Variants in RNPC3 observed in about 807,000 individuals in gnomAD.
RNPC3 encodes the protein RNA-binding region-containing protein 3.
A neutral mutation model predicts 67.5 loss-of-function variants in RNPC3; 48 were observed. The observed-to-expected ratio is 0.71, with a 90% CI of 0.56 to 0.90. The LOEUF is 0.90. Ranked by LOEUF, RNPC3 falls within the 40% of genes least tolerant of loss-of-function variation. The pLI, the probability that RNPC3 is intolerant of heterozygous loss-of-function variation, is 0.00. For synonymous variants in RNPC3, 239 were observed against 210.3 expected (o/e 1.14, Z -1.18); for missense variants, 637 against 626.1 (o/e 1.02, Z -0.19).
chr1:103,526,220 C>T lies in RNPC3; in HGVS notation c.150C>T (p.Phe50=). The change falls in exon 1 of 15, where the codon TTC becomes TTT. Residue 50 remains phenylalanine (F), a synonymous_variant. Transcript: ENST00000423855. ...AEEKEDLLKY[F]GAQSVRVLSD... ...AGAAAGAGGACTTGCTGAAGTACTT[C>T]GGGGCTCAGTCTGTGCGGGTCCTGT... 3.2e-6 allele frequency: 5 copies of T among 1,551,182 alleles called. No homozygotes were observed. Among genetic ancestry groups the T allele is most frequent in the Non-Finnish European group, 4.4e-6 (5 of 1,146,780 alleles).
At chr1:103,530,157 T>C (rs750857312) in intron 2 of RNPC3, among the ~76,000 whole-genome samples, 5 of 150,666 alleles carry the variant, frequency 3.3e-5, no homozygotes, top group Admixed American at 2.0e-4. Flanking sequence ...GTACCTACTA[T>C]GTGCTAGATG....
At chr1:103,544,134 G>A (rs1031163524) in intron 9 of RNPC3, among the ~76,000 whole-genome samples, 5 of 151,610 alleles carry the variant, frequency 3.3e-5, no homozygotes, top group African/African-American at 1.2e-4. Flanking sequence ...GGCAAATACT[G>A]TTAGCAATTT....
chr1:103,544,478 T>C (rs1448766066), intron 9 of RNPC3, among the ~76,000 whole-genome samples: 2 of 151,888 alleles, frequency 1.3e-5, no homozygotes, highest in African/African-American at 4.8e-5. Flanking sequence ...GCCTTTTTCA[T>C]AGAAGTTGAG....
chr1:103,536,210 G>T lies in RNPC3; in HGVS notation c.624+16G>T. ...ACCTCCCATGGTAAGAAAACTCTTA[G>T]AATTTTCAAGTCAAAATTTCTCTTC... On this transcript the variant is annotated intron_variant, in intron 6 of 14. Transcript: ENST00000423855. 1 of 1,523,370 alleles carries T rather than the reference G, an allele frequency of 6.6e-7. No homozygotes were observed. Among genetic ancestry groups the T allele is most frequent in the South Asian group, 1.2e-5 (1 of 83,776 alleles). 94.4% of individuals were successfully genotyped at this position (1,523,370 alleles called of 1,614,324 possible). A position where few individuals can be genotyped will look rare whatever the true frequency, so the allele number is the denominator to read the frequency against.
Position 103,550,990 on chromosome 1 carries a change from A to G in RNPC3, c.1411A>G (p.Ile471Val), listed in dbSNP as rs368201291. Residue 471 changes from isoleucine to valine, a missense_variant, in exon 13 of 15, where the codon ATT becomes GTT. Ile to Val is a conservative substitution (Grantham distance 29, BLOSUM62 3). Around this residue, in one of 3 missense-constraint regions of RNPC3, gnomAD observed 96 missense variants for 105.8 expected, o/e 0.91. Coordinates refer to ENST00000423855, the MANE Select transcript of RNPC3 (RefSeq NM_017619.4). ...KEGRMKGQAFIGLPNEKAAAK... is the reference protein window; with the variant it reads ...KEGRMKGQAFVGLPNEKAAAK... ...AGGTCGTATGAAAGGACAAGCTTTCATTGGACTTCCTAATGAAAAAGCAGC... is the reference window on the plus strand; with the variant it reads ...AGGTCGTATGAAAGGACAAGCTTTCGTTGGACTTCCTAATGAAAAAGCAGC... The G allele has an allele frequency of 1.2e-6, 2 of 1,611,900 alleles. No homozygotes were observed. The highest frequency in any genetic ancestry group is 1.3e-5 in the African/African-American group (1 of 74,878).
Position 103,550,939 on chromosome 1 carries a change from A to G in RNPC3, c.1362-2A>G. 1 of 1,610,180 alleles carries G rather than the reference A, an allele frequency of 6.2e-7. No individual in the cohort carries two copies. The highest frequency in any genetic ancestry group is 8.5e-7 in the Non-Finnish European group (1 of 1,179,080). On this transcript the variant is annotated splice_acceptor_variant, in intron 12 of 14. Coordinates refer to ENST00000423855, the MANE Select transcript of RNPC3 (RefSeq NM_017619.4). LOFTEE classifies it high-confidence loss of function. ...TGAATCAAAACTGTTTCTTCCTTCT[A>G]GGTTTGATATACGTTTGATGAAAGA...
At chr1:103,531,704 G>C (rs1650863332) in intron 2 of RNPC3, among the ~76,000 whole-genome samples, 1 of 151,822 alleles carries the variant, frequency 6.6e-6, no homozygotes, top group African/African-American at 2.4e-5. Context: ...TTGCTGATTT[G>C]TTTGGATTCC....
At chr1:103,539,486 G>A (rs1651068908) in intron 7 of RNPC3, among the ~76,000 whole-genome samples, 1 of 152,208 alleles carries the variant, frequency 6.6e-6, no homozygotes, top group Non-Finnish European at 1.5e-5. Context: ...GTTAACTGCG[G>A]ACTAATTACT....
At position 103,525,974 on chromosome 1, in the gene RNPC3, C is replaced by T. The variant is rs1650691854; in HGVS notation, c.-97C>T. 1.0e-6 allele frequency: 1 copy of T among 973,874 alleles called. No individual in the cohort carries two copies. The highest frequency in any genetic ancestry group is 1.5e-6 in the Non-Finnish European group (1 of 676,372). 60.3% of individuals were successfully genotyped at this position (973,874 alleles called of 1,614,324 possible). A position where few individuals can be genotyped will look rare whatever the true frequency, so the allele number is the denominator to read the frequency against. The stretch of plus-strand genomic sequence containing the variant: ...ATTTCCTGGTTTCCAGAATCCTTAG[C>T]GCGAGGCGGAAAAAATATTTCTCCC... On this transcript the variant is annotated 5_prime_UTR_variant, in exon 1 of 15. Transcript: ENST00000423855.
intron 14 of RNPC3, chr1:103,552,201 C>A (rs1651407875): frequency 6.6e-6 from 1 of 152,344 alleles, no homozygotes; most frequent in African/African-American, 2.4e-5. Flanking sequence ...ACCAGTTTTC[C>A]TTTTAATGAG....
rs183684543 is a variant in RNPC3 at position 103,529,795 on chromosome 1, C to T, written c.240+2053C>T. On this transcript the variant is annotated intron_variant, in intron 2 of 14. Transcript: ENST00000423855. ...CAAACCCTGGGACACAGACTGGTAC[C>T]CAGCCACGGCCTGGTACCTAACCAC... Among the ~76,000 whole-genome samples, 24 of 152,258 alleles carry T rather than the reference C, an allele frequency of 1.6e-4. No homozygotes were observed. The East Asian group carries it at 4.4e-3, about 28-fold the overall frequency.
intron 6 of RNPC3, among the ~76,000 whole-genome samples, chr1:103,536,782 T>C (rs537089488): frequency 2.6e-5 from 4 of 152,304 alleles, no homozygotes; most frequent in Non-Finnish European, 5.9e-5. Context: ...TTGTTTTTTT[T>C]TTCTTTTTGT....
At chr1:103,535,205 G>T in intron 4 of RNPC3, 125 bp from the exon 5 acceptor site, 2 of 592,470 alleles carry the variant, frequency 3.4e-6, no homozygotes, top group Non-Finnish European at 5.7e-6. Flanking sequence ...GGATCTTTTA[G>T]GAACAAGGTA....
intron 12 of RNPC3, among the ~76,000 whole-genome samples, chr1:103,548,258 T>C (rs1651295846): frequency 6.6e-6 from 1 of 152,192 alleles, no homozygotes; most frequent in African/African-American, 2.4e-5. Context: ...GAATTTCTCC[T>C]CTTTCTTTTC....
At chr1:103,527,045 CA>C (rs1304872120) in intron 1 of RNPC3, among the ~76,000 whole-genome samples, 1 of 151,844 alleles carries the variant, frequency 6.6e-6, no homozygotes, top group African/African-American at 2.4e-5. Flanking sequence ...ATATATGGCT[CA>C]ATTTAAGTAC....
At chr1:103,534,954 T>A in intron 4 of RNPC3, 97 bp downstream of exon 4, 1 of 638,808 alleles carries the variant, frequency 1.6e-6, no homozygotes, top group African/African-American at 1.9e-5. Flanking sequence ...TATTGTAATA[T>A]ACAGATATCT....
At chr1:103,529,921 T>C (rs1444980089) in intron 2 of RNPC3, among the ~76,000 whole-genome samples, 1 of 152,128 alleles carries the variant, frequency 6.6e-6, no homozygotes, top group Non-Finnish European at 1.5e-5. Context: ...GAGCTCCACC[T>C]CCAGTCAGAT....
chr1:103,541,531 C>G, intron 8 of RNPC3, 56 bp downstream of exon 8: 3 of 1,404,674 alleles, frequency 2.1e-6, no homozygotes, highest in Non-Finnish European at 2.8e-6. Flanking sequence ...TGTTTACTTG[C>G]TTAATTCACA....
At chr1:103,553,896 G>A (rs568396844) in intron 14 of RNPC3, 8 of 152,200 alleles carry the variant, frequency 5.3e-5, no homozygotes, top group South Asian at 2.1e-4. Flanking sequence ...GAAGAAAAGC[G>A]TAATAGAGGG....
Sources: gnomAD v4.1 joint callset for allele counts (sites outside exome capture counted in the v4.1 genomes callset) on GRCh38, gnomAD v4.1.1 for gene constraint, gnomAD v4.1.1 regional missense constraint, MANE v1.5 for transcripts, NCBI Gene and HGNC (gene_info 2026-07-23, HGNC 2026-07-21) for gene names.